Variants in CDH13 observed in about 807,000 individuals in gnomAD.
CDH13 encodes cadherin-13.
A neutral mutation model predicts 63.8 loss-of-function variants in CDH13; 24 were observed. The ratio of observed to expected loss-of-function variants is 0.38; its 90% CI spans 0.27 to 0.53. The LOEUF is 0.53. Among genes scored for constraint, CDH13 ranks in the 20% least tolerant of loss-of-function variants. The pLI is 0.85. For synonymous variants in CDH13, 503 were observed against 355.3 expected, an observed-to-expected ratio of 1.42 and a Z score of -4.67; for missense variants, 1,049 against 903.1, an observed-to-expected ratio of 1.16 and a Z score of -2.07.
chr16:83,730,535 G>A (rs10514596), intron 10 of CDH13, among the ~76,000 whole-genome samples: 27,850 of 152,122 alleles, frequency 0.18, 2,656 homozygotes, highest in Middle Eastern at 0.23. Context: ...ATCACAATTC[G>A]ATGAAAAGTT....
At chr16:83,276,480 A>G (rs1488559761) in intron 5 of CDH13, among the ~76,000 whole-genome samples, 1 of 152,106 alleles carries the variant, frequency 6.6e-6, no homozygotes, top group African/African-American at 2.4e-5. Context: ...ATTAAAATAT[A>G]CCCAGGACTG....
intron 1 of CDH13, among the ~76,000 whole-genome samples, chr16:82,812,199 C>A (rs1376217140): frequency 6.6e-6 from 1 of 152,166 alleles, no homozygotes; most frequent in African/African-American, 2.4e-5. Context: ...TCGAAGGATC[C>A]TGTGCATACA....
intron 3 of CDH13, among the ~76,000 whole-genome samples, chr16:83,101,519 G>A (rs531838697): frequency 1.6e-4 from 24 of 152,048 alleles, no homozygotes; most frequent in East Asian, 3.9e-4. Context: ...GAGGCTGGGC[G>A]TGGTGGCTAA....
rs117097543 is a variant in CDH13 at position 82,767,554 on chromosome 16, C to A, written c.46-90808C>A. On this transcript the variant is annotated intron_variant, in intron 1 of 13. Coordinates refer to ENST00000567109, the MANE Select transcript of CDH13 (RefSeq NM_001257.5). ...TGATGCCAGATTTAAATTCCCTGTG[C>A]CAAACACATTGTGTGCTCCTGGTCC... Among the ~76,000 whole-genome samples the A allele has an allele frequency of 3.7e-4, 57 of 152,320 alleles. No homozygotes were observed. In the East Asian group the frequency reaches 0.01, roughly 27 times the overall value.
At chr16:83,301,024 G>GTTTTTTTT (rs1567574870) in intron 5 of CDH13, among the ~76,000 whole-genome samples, 7 of 53,942 alleles carry the variant, frequency 1.3e-4, no homozygotes, top group African/African-American at 2.7e-4. Flanking sequence ...AACTTTCTGG[G>GTTTTTTTT]GTTTTTTTTT....
intron 6 of CDH13, among the ~76,000 whole-genome samples, chr16:83,434,957 T>TATTTTATTTATATATAAAAC (rs1288054859): frequency 1.3e-3 from 181 of 144,306 alleles, no homozygotes; most frequent in Non-Finnish European, 2.3e-3. Context: ...ATATAAAACA[T>TATTTTATTTATATATAAAAC]AGGGGTTTTA....
chr16:83,439,020 A>G (rs2072405676), intron 6 of CDH13, among the ~76,000 whole-genome samples: 1 of 152,212 alleles, frequency 6.6e-6, no homozygotes, highest in Non-Finnish European at 1.5e-5. Context: ...AAGAAACACT[A>G]TAATAATGAG....
At chr16:82,860,300 G>T (rs2039884035) in intron 2 of CDH13, among the ~76,000 whole-genome samples, 1 of 144,952 alleles carries the variant, frequency 6.9e-6, no homozygotes, top group Non-Finnish European at 1.5e-5. Context: ...CTGCTGAGAA[G>T]CTGGAAACAA....
chr16:83,167,141 T>C (rs1407983983), intron 4 of CDH13, among the ~76,000 whole-genome samples: 2 of 151,928 alleles, frequency 1.3e-5, no homozygotes, highest in Admixed American at 6.6e-5. Flanking sequence ...GGTACTTCCC[T>C]GCTATTTACT....
intron 8 of CDH13, among the ~76,000 whole-genome samples, chr16:83,630,629 G>A (rs1224285711): frequency 3.3e-5 from 5 of 152,194 alleles, no homozygotes; most frequent in Admixed American, 6.5e-5. Context: ...CAATCAGACT[G>A]AGGAAGCAAT....
chr16:83,046,832 A>T (rs571741075), intron 3 of CDH13, among the ~76,000 whole-genome samples: 1 of 152,154 alleles, frequency 6.6e-6, no homozygotes, highest in Non-Finnish European at 1.5e-5. Flanking sequence ...GTTACAAACA[A>T]TTCAGAAGGG....
chr16:82,681,535 T>C (rs1340869782), intron 1 of CDH13, among the ~76,000 whole-genome samples: 1 of 152,232 alleles, frequency 6.6e-6, no homozygotes, highest in Non-Finnish European at 1.5e-5. Context: ...AGAAAGAATT[T>C]TTCTCTCATA....
intron 10 of CDH13, among the ~76,000 whole-genome samples, chr16:83,730,443 A>G (rs913052713): frequency 1.3e-5 from 2 of 152,310 alleles, no homozygotes; most frequent in Admixed American, 6.5e-5. Context: ...AGAGATTTTC[A>G]TTTGTTTCCC....
At chr16:83,384,251 A>G (rs1322175020) in intron 6 of CDH13, among the ~76,000 whole-genome samples, 1 of 152,120 alleles carries the variant, frequency 6.6e-6, no homozygotes, top group African/African-American at 2.4e-5. Flanking sequence ...ATTTGATGAA[A>G]TCACATGATG....
intron 2 of CDH13, among the ~76,000 whole-genome samples, chr16:82,929,481 C>T (rs1384249279): frequency 6.6e-6 from 1 of 151,268 alleles, no homozygotes; most frequent in Non-Finnish European, 1.5e-5. Context: ...GAAACCCCGT[C>T]TCTACTAAAA....
chr16:82,788,988 A>G (rs534289825), intron 1 of CDH13, among the ~76,000 whole-genome samples: 2 of 152,322 alleles, frequency 1.3e-5, no homozygotes, highest in East Asian at 1.9e-4. Context: ...CCGTTAGTCA[A>G]TTGTATGTTT....
chr16:82,990,182 C>T (rs767884796), intron 2 of CDH13: 3 of 152,142 alleles, frequency 2.0e-5, no homozygotes, highest in Admixed American at 6.5e-5. Flanking sequence ...AGCCAACTGC[C>T]AATCATTCTA....
At chr16:83,228,879 G>A (rs1311952774) in intron 5 of CDH13, among the ~76,000 whole-genome samples, 1 of 152,186 alleles carries the variant, frequency 6.6e-6, no homozygotes, top group Admixed American at 6.5e-5. Flanking sequence ...TGACATGCAG[G>A]GGATGAATGG....
At chr16:83,002,515 G>C (rs1348959293) in intron 2 of CDH13, among the ~76,000 whole-genome samples, 1 of 152,206 alleles carries the variant, frequency 6.6e-6, no homozygotes, top group East Asian at 1.9e-4. Flanking sequence ...TGTTATAGCA[G>C]CCACAGGAAA....
Sources: allele counts gnomAD v4.1 joint callset (sites outside exome capture counted in the v4.1 genomes callset), GRCh38; gene constraint gnomAD v4.1.1; transcripts MANE v1.5; gene names NCBI Gene and HGNC (gene_info 2026-07-23, HGNC 2026-07-21).